The following DOCK5 variants were observed in gnomAD, a reference collection of about 807,000 sequenced individuals.
DOCK5 encodes dedicator of cytokinesis 5.
Under a neutral mutation model 251.8 loss-of-function variants are expected in DOCK5, and 142 were observed. The observed-to-expected ratio is 0.56, with a 90% CI of 0.49 to 0.65. The LOEUF (loss-of-function observed/expected upper bound fraction) is 0.65. Ranked by LOEUF, DOCK5 falls within the 30% of genes least tolerant of loss-of-function variation. The pLI is 0.00. For synonymous variants in DOCK5, 842 were observed against 835.5 expected, an observed-to-expected ratio of 1.01 and a Z score of -0.13; for missense variants, 2,111 against 2,312.3, an observed-to-expected ratio of 0.91 and a Z score of 1.79.
chr8:25,291,136 G>A (rs1347668211), intron 5 of DOCK5, among the ~76,000 whole-genome samples: 1 of 152,122 alleles, frequency 6.6e-6, no homozygotes, highest in Non-Finnish European at 1.5e-5. Context: ...CAAGATATGT[G>A]TCTGGAGGAC....
intron 7 of DOCK5, 81 bp downstream of exon 7, chr8:25,296,729 T>G: frequency 6.4e-7 from 1 of 1,552,596 alleles, no homozygotes; most frequent in South Asian, 1.2e-5. Context: ...GGGAAATCAT[T>G]GAGAACAAAA....
chr8:25,281,144 G>A (rs975360670), intron 5 of DOCK5, among the ~76,000 whole-genome samples: 4 of 151,960 alleles, frequency 2.6e-5, no homozygotes, highest in Non-Finnish European at 5.9e-5. Context: ...AAGTGAATGG[G>A]GGCCAGGTGC....
intron 1 of DOCK5, among the ~76,000 whole-genome samples, chr8:25,222,945 A>G (rs1447898929): frequency 6.6e-6 from 1 of 152,046 alleles, no homozygotes; most frequent in Non-Finnish European, 1.5e-5. Context: ...AGGGCTTCTC[A>G]CCCTACCTGG....
chr8:25,309,047 C>A, intron 12 of DOCK5, 122 bp downstream of exon 12: 2 of 1,326,546 alleles, frequency 1.5e-6, no homozygotes, highest in Non-Finnish European at 2.0e-6. Flanking sequence ...TGCTGGGGAC[C>A]ATCCCCCTCA....
chr8:25,342,475 A>C lies in DOCK5; in HGVS notation c.2585A>C (p.Lys862Thr). 6.3e-7 allele frequency: 1 copy of C among 1,596,954 alleles called. No homozygotes were observed. Residue 862 changes from lysine (K) to threonine (T), a missense_variant, in exon 25 of 52, where the codon AAG becomes ACG. Lys to Thr is a moderately conservative substitution (Grantham distance 78). Coordinates refer to ENST00000276440, the MANE Select transcript of DOCK5 (RefSeq NM_024940.8). ...CGGCAGAAACTTAACTGCATGACCA[A>C]GATAGTAGAGAGCACTCTTTTTCGA... Reference protein sequence around the residue: ...LVRQKLNCMTKIVESTLFRQS... With the variant: ...LVRQKLNCMTTIVESTLFRQS...
At chr8:25,237,772 C>T (rs1017662183) in intron 1 of DOCK5, among the ~76,000 whole-genome samples, 11 of 152,166 alleles carry the variant, frequency 7.2e-5, no homozygotes, top group South Asian at 2.1e-4. Context: ...TGGTGCCTGC[C>T]GGTTCAAAAA....
intron 27 of DOCK5, among the ~76,000 whole-genome samples, chr8:25,354,345 A>G (rs1261654732): frequency 1.3e-5 from 2 of 152,188 alleles, no homozygotes; most frequent in Non-Finnish European, 2.9e-5. Context: ...ATACATTATA[A>G]AGAAAGATTG....
Position 25,411,248 on chromosome 8 carries a change from C to A in DOCK5, c.5563C>A (p.Pro1855Thr). Residue 1855 changes from proline to threonine, a missense_variant, in exon 52 of 52, where the codon CCA (proline) becomes ACA (threonine). Around this residue, in one of 3 missense-constraint regions of DOCK5, gnomAD observed 1,717 missense variants for 1,892.4 expected, o/e 0.91. Transcript: ENST00000276440. ...AGCCAAAGCACCACCCCCTCCACCTCCAAAGGCTCGGAAGTCTGGCATCCC... is the reference window on the plus strand; with the variant it reads ...AGCCAAAGCACCACCCCCTCCACCTACAAAGGCTCGGAAGTCTGGCATCCC... The part of the protein sequence containing the change: ...REAKAPPPPP[P>T]KARKSGIPTS... 1.3e-6 allele frequency: 2 copies of A among 1,590,318 alleles called. No individual in the cohort carries two copies. Among genetic ancestry groups the A allele is most frequent in the East Asian group, 4.8e-5 (2 of 41,578 alleles).
chr8:25,287,184 C>T (rs1401938608), intron 5 of DOCK5, among the ~76,000 whole-genome samples: 1 of 152,108 alleles, frequency 6.6e-6, no homozygotes, highest in South Asian at 2.1e-4. Flanking sequence ...TTATAAACAT[C>T]GGGAGGCCGA....
At chr8:25,279,469 GTT>G (rs1236961381) in intron 5 of DOCK5, among the ~76,000 whole-genome samples, 9 of 142,276 alleles carry the variant, frequency 6.3e-5, no homozygotes, top group Admixed American at 7.1e-5. Flanking sequence ...TTTCCTTAAT[GTT>G]TTTTTTTTTT....
intron 8 of DOCK5, 103 bp from the exon 9 acceptor site, chr8:25,300,473 T>G: frequency 2.0e-6 from 2 of 1,018,400 alleles, no homozygotes; most frequent in Non-Finnish European, 2.9e-6. Flanking sequence ...TCACTGAGCA[T>G]TTCTGGCCTT....
chr8:25,213,500 G>T (rs909980070), intron 1 of DOCK5, among the ~76,000 whole-genome samples: 18 of 152,018 alleles, frequency 1.2e-4, no homozygotes, highest in African/African-American at 4.3e-4. Context: ...TGAGAAACTG[G>T]AGACCTGGTG....
rs1032073544 is a variant in DOCK5, at chr8:25,249,837, T to C, written c.127+6080T>C. On this transcript the variant is annotated intron_variant, in intron 2 of 51. Transcript: ENST00000276440. Reference sequence around the variant, plus strand: ...CTGGGCTCAGGCAGTTCTCCTGCCTTGGCCTCCCAAGGGCCAAGTGTCCCA... The same window carrying C: ...CTGGGCTCAGGCAGTTCTCCTGCCTCGGCCTCCCAAGGGCCAAGTGTCCCA... 3.3e-5 allele frequency among the ~76,000 whole-genome samples: 5 copies of C among 152,342 alleles called. No homozygotes were observed. The East Asian group carries it at 9.6e-4, about 29-fold the overall frequency.
In DOCK5 at chr8:25,331,306, C is replaced by T. The variant is rs1433890779; in HGVS notation, c.1904-945C>T. Among the ~76,000 whole-genome samples, 4 of 152,008 alleles carry T rather than the reference C, an allele frequency of 2.6e-5. No homozygotes were observed. In the East Asian group the frequency reaches 7.8e-4, roughly 29 times the overall value. ...ATTTCTTAATAGAGACAGGGTCTCT[C>T]TATGTTGCCCAGGCTGGTCTTGAAT... On this transcript the variant is annotated intron_variant, in intron 18 of 51. Coordinates refer to ENST00000276440, the MANE Select transcript of DOCK5 (RefSeq NM_024940.8).
chr8:25,273,314 A>G (rs1270637738), intron 3 of DOCK5, among the ~76,000 whole-genome samples: 2 of 152,146 alleles, frequency 1.3e-5, no homozygotes, highest in East Asian at 1.9e-4. Context: ...AAAAAATTAA[A>G]TAGACCAGGC....
chr8:25,206,587 C>T (rs1802007507), intron 1 of DOCK5, among the ~76,000 whole-genome samples: 1 of 152,162 alleles, frequency 6.6e-6, no homozygotes, highest in African/African-American at 2.4e-5. Flanking sequence ...ACAGTACCTG[C>T]CTGCCCACAG....
chr8:25,296,446 C>A (rs753825164), intron 6 of DOCK5, 67 bp from the exon 7 acceptor site: 6 of 1,551,896 alleles, frequency 3.9e-6, no homozygotes, highest in Admixed American at 1.9e-5. Context: ...GGCTCCTTGA[C>A]AAGGACTCCT....
At chr8:25,402,828 C>T (rs181516299) in intron 47 of DOCK5, among the ~76,000 whole-genome samples, 137 of 152,252 alleles carry the variant, frequency 9.0e-4, no homozygotes, top group Non-Finnish European at 1.5e-3. Context: ...GCTCTTTTCT[C>T]CCCCATTCCT....
At chr8:25,366,320 A>G (rs780304528) in intron 30 of DOCK5, among the ~76,000 whole-genome samples, 1 of 152,112 alleles carries the variant, frequency 6.6e-6, no homozygotes, top group Non-Finnish European at 1.5e-5. Flanking sequence ...GCGAAACTCC[A>G]TCTCTACTAA....
Sources: allele counts gnomAD v4.1 joint callset (sites outside exome capture counted in the v4.1 genomes callset), GRCh38; gene constraint gnomAD v4.1.1; regional missense constraint gnomAD v4.1.1; transcripts MANE v1.5; gene names NCBI Gene and HGNC (gene_info 2026-07-23, HGNC 2026-07-21).